The following ADAMTS12 variants were observed in gnomAD, a reference collection of about 807,000 sequenced individuals.
The protein encoded by ADAMTS12 is ADAM metallopeptidase with thrombospondin type 1 motif 12.
In ADAMTS12, 118 loss-of-function variants were observed where a neutral mutation model predicts 167.8. The observed-to-expected ratio is 0.70, with a 90% CI of 0.61 to 0.82. The LOEUF (loss-of-function observed/expected upper bound fraction) is 0.82, where lower values mean the gene tolerates loss of function less well. Ranked by LOEUF, ADAMTS12 falls within the 40% of genes least tolerant of loss-of-function variation. The pLI, the probability that ADAMTS12 is intolerant of heterozygous loss-of-function variation, is 0.00. For synonymous variants in ADAMTS12, 704 were observed against 716.9 expected (o/e 0.98, Z 0.29); for missense variants, 1,916 against 1,998.8 (o/e 0.96, Z 0.79).
In ADAMTS12 at chr5:33,641,952, A is replaced by G. The variant is rs1019458130; in HGVS notation, c.1576T>C (p.Cys526Arg). ...ACTGTGATGCACTTGCCTGCCATAC[A>G]CCACTGGAAAGGGAAGAGGCAGGAG... ...DGTQCGEKKW[C>R]MAGKCITVGK... The change falls in exon 11 of 24, where the codon TGT (cysteine) becomes CGT (arginine). Residue 526 changes from cysteine to arginine, a missense_variant. Physicochemically the swap from Cys to Arg is radical, Grantham distance 180. Coordinates refer to ENST00000504830, the MANE Select transcript of ADAMTS12 (RefSeq NM_030955.4). 4.3e-6 allele frequency: 7 copies of G among 1,610,530 alleles called. No individual in the cohort carries two copies. The highest frequency in any genetic ancestry group is 1.7e-5 in the Admixed American group (1 of 59,794).
intron 2 of ADAMTS12, among the ~76,000 whole-genome samples, chr5:33,811,002 G>A (rs958781489): frequency 2.0e-5 from 3 of 152,304 alleles, no homozygotes; most frequent in African/African-American, 4.8e-5. Flanking sequence ...GGGGGATGAC[G>A]TGTCATGGCA....
intron 2 of ADAMTS12, among the ~76,000 whole-genome samples, chr5:33,863,171 T>C (rs910799830): frequency 6.6e-6 from 1 of 152,148 alleles, no homozygotes; most frequent in African/African-American, 2.4e-5. Context: ...CTATTCAACA[T>C]AGTATTGGAA....
intron 2 of ADAMTS12, among the ~76,000 whole-genome samples, chr5:33,846,720 A>G (rs1373624240): frequency 2.0e-5 from 3 of 152,200 alleles, no homozygotes; most frequent in East Asian, 1.9e-4. Context: ...AGAACACACA[A>G]TGGGTACCTA....
At position 33,617,005 on chromosome 5, in the gene ADAMTS12, C is replaced by T. The variant is rs751338539; in HGVS notation, c.2144-933G>A. Among the ~76,000 whole-genome samples the T allele has an allele frequency of 7.2e-5, 11 of 152,208 alleles. No individual in the cohort carries two copies. The East Asian group carries it at 7.7e-4, about 11-fold the overall frequency. On this transcript the variant is annotated intron_variant, in intron 14 of 23. Coordinates refer to ENST00000504830, the MANE Select transcript of ADAMTS12 (RefSeq NM_030955.4). ...AACATGGACTTGGAGGTTGGCATTGCGAAAGGAATTCTGGGGCAATGGGAG... is the reference window on the plus strand; with the variant it reads ...AACATGGACTTGGAGGTTGGCATTGTGAAAGGAATTCTGGGGCAATGGGAG...
intron 2 of ADAMTS12, among the ~76,000 whole-genome samples, chr5:33,769,108 G>C (rs538115312): frequency 7.9e-5 from 12 of 152,166 alleles, no homozygotes; most frequent in South Asian, 6.2e-4. Flanking sequence ...TATGAGAAAG[G>C]CTGGCTTGGA....
At chr5:33,536,029 G>A (rs1312261326) in intron 22 of ADAMTS12, among the ~76,000 whole-genome samples, 1 of 152,164 alleles carries the variant, frequency 6.6e-6, no homozygotes, top group Non-Finnish European at 1.5e-5. Flanking sequence ...TGGGAAAGCA[G>A]TTTACATAAG....
intron 2 of ADAMTS12, among the ~76,000 whole-genome samples, chr5:33,783,253 T>C (rs1054480278): frequency 1.3e-5 from 2 of 151,602 alleles, no homozygotes; most frequent in African/African-American, 2.4e-5. Context: ...ACAATGAAAA[T>C]AGTATTTAGA....
chr5:33,553,381 T>A (rs1348988346), intron 20 of ADAMTS12, among the ~76,000 whole-genome samples: 2 of 152,226 alleles, frequency 1.3e-5, no homozygotes, highest in Non-Finnish European at 2.9e-5. Context: ...CCCAAAGGAA[T>A]ATAAATTATT....
At chr5:33,743,326 A>G (rs1489470078) in intron 3 of ADAMTS12, among the ~76,000 whole-genome samples, 1 of 152,222 alleles carries the variant, frequency 6.6e-6, no homozygotes, top group Admixed American at 6.5e-5. Flanking sequence ...AGAATGCCAG[A>G]AATCTACTTA....
intron 12 of ADAMTS12, among the ~76,000 whole-genome samples, chr5:33,634,238 T>C (rs552371782): frequency 2.9e-3 from 436 of 152,308 alleles, no homozygotes; most frequent in Non-Finnish European, 4.3e-3. Flanking sequence ...ATCCAGTTTC[T>C]AAAATCCATT....
chr5:33,528,782 C>T (rs1743949838), intron 23 of ADAMTS12, among the ~76,000 whole-genome samples: 2 of 152,200 alleles, frequency 1.3e-5, no homozygotes, highest in Admixed American at 1.3e-4. Context: ...CATGGTGGCT[C>T]ACGCCTGTAA....
intron 5 of ADAMTS12, among the ~76,000 whole-genome samples, chr5:33,676,969 G>A (rs1741936612): frequency 6.6e-6 from 1 of 152,110 alleles, no homozygotes; most frequent in Non-Finnish European, 1.5e-5. Context: ...CCCTACTGCT[G>A]TACCTTCAAG....
At chr5:33,820,287 C>A (rs1320077827) in intron 2 of ADAMTS12, among the ~76,000 whole-genome samples, 1 of 152,116 alleles carries the variant, frequency 6.6e-6, no homozygotes, top group Non-Finnish European at 1.5e-5. Flanking sequence ...AAATGAAGAG[C>A]AACAGATTTA....
At chr5:33,530,773 G>A (rs113024843) in intron 23 of ADAMTS12, among the ~76,000 whole-genome samples, 2,648 of 152,264 alleles carry the variant, frequency 0.017, 72 homozygotes, top group African/African-American at 0.061. Flanking sequence ...TCTGTAAATT[G>A]AGCATAAGCC....
chr5:33,700,545 G>T (rs4866375), intron 3 of ADAMTS12, among the ~76,000 whole-genome samples: 1 of 152,112 alleles, frequency 6.6e-6, no homozygotes, highest in African/African-American at 2.4e-5. Context: ...GGCATGGTAG[G>T]GAGGTGGGTA....
At position 33,696,123 on chromosome 5, in the gene ADAMTS12, G is replaced by T. The variant is rs559322297; in HGVS notation, c.635-12068C>A. Among the ~76,000 whole-genome samples the T allele has an allele frequency of 3.3e-5, 5 of 152,162 alleles. No individual in the cohort carries two copies. The South Asian group carries it at 8.3e-4, about 25-fold the overall frequency. ...TAAAATCAGGGTTTTCTGACTAATC[G>T]TCAATTAACAAATTATAGCTGGGCG... On this transcript the variant is annotated intron_variant, in intron 3 of 23. Coordinates refer to ENST00000504830, the MANE Select transcript of ADAMTS12 (RefSeq NM_030955.4).
chr5:33,776,837 G>A (rs1294040465), intron 2 of ADAMTS12, among the ~76,000 whole-genome samples: 2 of 151,940 alleles, frequency 1.3e-5, no homozygotes, highest in Admixed American at 6.6e-5. Flanking sequence ...AGAAATGAAA[G>A]AGGAGCCATT....
At chr5:33,739,269 A>G (rs751845631) in intron 3 of ADAMTS12, among the ~76,000 whole-genome samples, 2 of 151,896 alleles carry the variant, frequency 1.3e-5, no homozygotes, top group Non-Finnish European at 2.9e-5. Flanking sequence ...ACACACATAA[A>G]CACACACACA....
chr5:33,721,387 C>G (rs1743800042), intron 3 of ADAMTS12, among the ~76,000 whole-genome samples: 1 of 152,098 alleles, frequency 6.6e-6, no homozygotes, highest in Non-Finnish European at 1.5e-5. Context: ...TGAGAAAACC[C>G]CCTCCGAATC....
Sources: allele counts gnomAD v4.1 joint callset (sites outside exome capture counted in the v4.1 genomes callset), GRCh38; gene constraint gnomAD v4.1.1; transcripts MANE v1.5; gene names NCBI Gene and HGNC (gene_info 2026-07-23, HGNC 2026-07-21).